The following SPAG9 variants were observed in gnomAD, a reference collection of about 807,000 sequenced individuals.
The protein encoded by SPAG9 is sperm associated antigen 9, also known as C-Jun-amino-terminal kinase-interacting protein 4.
In SPAG9, 35 loss-of-function variants were observed where a neutral mutation model predicts 166.5. The observed-to-expected ratio is 0.21, with a 90% CI of 0.16 to 0.28. The LOEUF (loss-of-function observed/expected upper bound fraction) is 0.28, where lower values mean the gene tolerates loss of function less well. Ranked by LOEUF, SPAG9 falls within the 10% of genes least tolerant of loss-of-function variation. The probability of loss-of-function intolerance (pLI) is 1.00; values close to 1 mark genes in which losing one functional copy is unlikely to be tolerated. For synonymous variants in SPAG9, 534 were observed against 565.5 expected (o/e 0.94, Z 0.79); for missense variants, 1,235 against 1,603.3 (o/e 0.77, Z 3.92).
At chr17:50,968,416 G>A (rs1223085850) in intron 29 of SPAG9, among the ~76,000 whole-genome samples, 3 of 152,112 alleles carry the variant, frequency 2.0e-5, no homozygotes, top group Non-Finnish European at 4.4e-5. Context: ...GATTTTAAGC[G>A]AGTCCAAGGG....
chr17:51,031,356 A>G (rs2046377624), intron 6 of SPAG9: 1 of 341,726 alleles, frequency 2.9e-6, no homozygotes, highest in African/African-American at 2.1e-5. Context: ...AGTTACATAC[A>G]TTATGCCCTG....
chr17:51,084,159 C>T (rs2048244023), intron 1 of SPAG9: 1 of 152,068 alleles, frequency 6.6e-6, no homozygotes, highest in Non-Finnish European at 1.5e-5. Flanking sequence ...ATCCAACTAG[C>T]CCTGCCTTCC....
chr17:51,058,056 T>C (rs2047407431), intron 2 of SPAG9, among the ~76,000 whole-genome samples: 1 of 152,218 alleles, frequency 6.6e-6, no homozygotes. Context: ...ACAAACCATA[T>C]CTATTTTCAA....
chr17:50,998,374 T>C, intron 15 of SPAG9, 70 bp downstream of exon 15: 2 of 1,397,354 alleles, frequency 1.4e-6, no homozygotes, highest in Non-Finnish European at 2.0e-6. Flanking sequence ...TTAGAGCTGA[T>C]AAGAGGCCAA....
intron 12 of SPAG9, 35 bp downstream of exon 12, chr17:51,005,177 A>G (rs2144006297): frequency 6.3e-7 from 1 of 1,584,212 alleles, no homozygotes; most frequent in Non-Finnish European, 8.7e-7. Context: ...AAAACATGGT[A>G]AGGTAAGAAA....
chr17:51,118,036 C>T (rs565742063), intron 1 of SPAG9, among the ~76,000 whole-genome samples: 12 of 151,092 alleles, frequency 7.9e-5, no homozygotes, highest in African/African-American at 2.9e-4. Context: ...CCCAGCTACT[C>T]GGGCGGCTGA....
At chr17:51,072,363 C>T (rs910885370) in intron 2 of SPAG9, among the ~76,000 whole-genome samples, 14 of 149,718 alleles carry the variant, frequency 9.4e-5, no homozygotes, top group Non-Finnish European at 1.5e-4. Flanking sequence ...TGAGCCACCG[C>T]GCCTGGTCTC....
chr17:50,991,945 TTTTTTTTA>T (rs1274897195), intron 19 of SPAG9, among the ~76,000 whole-genome samples: 36 of 137,264 alleles, frequency 2.6e-4, no homozygotes, highest in African/African-American at 7.5e-4. Flanking sequence ...TTTTTTTTTT[TTTTTTTTA>T]AAACACAGGG....
chr17:51,051,623 G>A (rs930970455), intron 3 of SPAG9, among the ~76,000 whole-genome samples: 4 of 152,136 alleles, frequency 2.6e-5, no homozygotes, highest in Non-Finnish European at 4.4e-5. Flanking sequence ...AGGAGGCTGA[G>A]GTGGGAGAAT....
intron 3 of SPAG9, among the ~76,000 whole-genome samples, chr17:51,049,852 C>T (rs72826425): frequency 0.071 from 10,741 of 152,222 alleles, 404 homozygotes; most frequent in Non-Finnish European, 0.089. Flanking sequence ...CCCGCCTTGG[C>T]CTCCCAAAGT....
chr17:51,119,033 C>CCAA lies in SPAG9; in HGVS notation c.303+1320_303+1321insTTG, dbSNP rs71355716. Reference sequence around the variant, plus strand: ...TGGGCGACAGAGTGAGACTACGTCTCAAAAAAAAAAAAAAAAAAAGGCAAT... The same window carrying CCAA: ...TGGGCGACAGAGTGAGACTACGTCTCCAAAAAAAAAAAAAAAAAAAAAGGCAAT... On this transcript the variant is annotated intron_variant, in intron 1 of 29. Coordinates refer to ENST00000262013, the MANE Select transcript of SPAG9 (RefSeq NM_001130528.3). 3.1e-5 allele frequency among the ~76,000 whole-genome samples: 3 copies of CCAA among 96,266 alleles called. No individual in the cohort carries two copies. The East Asian group carries it at 8.5e-4, about 27-fold the overall frequency. 63.2% of individuals were successfully genotyped at this position (96,266 alleles called of 152,430 possible).
chr17:51,047,277 C>T, intron 4 of SPAG9, 98 bp downstream of exon 4: 1 of 706,328 alleles, frequency 1.4e-6, no homozygotes, highest in Non-Finnish European at 2.3e-6. Flanking sequence ...TTTGAATCAG[C>T]CTAACTATTG....
intron 26 of SPAG9, among the ~76,000 whole-genome samples, chr17:50,978,798 T>C (rs1313515224): frequency 6.6e-6 from 1 of 151,520 alleles, no homozygotes; most frequent in African/African-American, 2.4e-5. Context: ...GCAAGGAGAG[T>C]GTTTGAGAAC....
At chr17:51,112,695 A>C (rs1392439670) in intron 1 of SPAG9, among the ~76,000 whole-genome samples, 2 of 148,616 alleles carry the variant, frequency 1.3e-5, no homozygotes, top group East Asian at 3.9e-4. Context: ...AAAAAAAAAA[A>C]AAAACTTTGG....
At chr17:51,118,088 T>C (rs1482207288) in intron 1 of SPAG9, among the ~76,000 whole-genome samples, 1 of 150,482 alleles carries the variant, frequency 6.6e-6, no homozygotes, top group Non-Finnish European at 1.5e-5. Context: ...TGAGCCGAGA[T>C]CGTGCCACTG....
chr17:51,053,561 A>G (rs2047239367), intron 3 of SPAG9, among the ~76,000 whole-genome samples: 1 of 151,612 alleles, frequency 6.6e-6, no homozygotes. Context: ...GGCACACTCC[A>G]GTAATCCCAG....
chr17:50,979,896 T>G lies in SPAG9; in HGVS notation c.3259A>C (p.Arg1087=). The change falls in exon 26 of 30, where the codon AGG becomes CGG. Residue 1087 remains arginine (R), a synonymous_variant. Coordinates refer to ENST00000262013, the MANE Select transcript of SPAG9 (RefSeq NM_001130528.3). ...KIEKSFDAHP[R]KESQVRQLAW... ...AGCTGTCGCACTTGGCTCTCCTTCCTGGGATGTGCATCAAAAGATTTCTAG... is the reference window on the plus strand; with the variant it reads ...AGCTGTCGCACTTGGCTCTCCTTCCGGGGATGTGCATCAAAAGATTTCTAG... 1 of 1,613,672 alleles carries G rather than the reference T, an allele frequency of 6.2e-7. No individual in the cohort carries two copies. Among genetic ancestry groups the G allele is most frequent in the Non-Finnish European group, 8.5e-7 (1 of 1,179,600 alleles).
At chr17:51,035,962 C>T (rs2046569342) in intron 5 of SPAG9, among the ~76,000 whole-genome samples, 2 of 152,070 alleles carry the variant, frequency 1.3e-5, no homozygotes, top group African/African-American at 4.8e-5. Context: ...TGGTTATTTA[C>T]CACAGTATTA....
chr17:51,099,759 TAA>T (rs58721041), intron 1 of SPAG9, among the ~76,000 whole-genome samples: 1,148 of 43,646 alleles, frequency 0.026, 21 homozygotes, highest in African/African-American at 0.076. Flanking sequence ...CTTCTATTAC[TAA>T]AAAAAAAAAA....
Sources: allele counts gnomAD v4.1 joint callset (sites outside exome capture counted in the v4.1 genomes callset), GRCh38; gene constraint gnomAD v4.1.1; transcripts MANE v1.5; gene names NCBI Gene and HGNC (gene_info 2026-07-23, HGNC 2026-07-21).